MCUB: variants seen among roughly 807,000 people sequenced by gnomAD.
MCUB encodes the protein calcium uniporter regulatory subunit MCUb, mitochondrial.
MCUB carries 46 observed loss-of-function variants against 41.4 expected under a neutral mutation model. That is an observed-to-expected ratio of 1.11 (90% CI 0.88 to 1.42). The LOEUF (loss-of-function observed/expected upper bound fraction) is 1.42, where lower values mean the gene tolerates loss of function less well. Among genes scored for constraint, MCUB ranks in the 40% most tolerant of loss-of-function variants. The pLI, the probability that MCUB is intolerant of heterozygous loss-of-function variation, is 0.00. For missense variants in MCUB, 403 were observed against 404.9 expected (o/e 1.00, Z 0.04); for synonymous variants, 148 against 148.2 (o/e 1.00, Z 0.01).
At position 109,646,130 on chromosome 4, in the gene MCUB, A is replaced by G. The variant is rs139725837; in HGVS notation, c.100-12881A>G. Among the ~76,000 whole-genome samples, 773 of 152,032 alleles carry G rather than the reference A, an allele frequency of 5.1e-3. 3 individuals are homozygous for G. Among genetic ancestry groups the G allele is most frequent in the African/African-American group, 0.018 (732 of 41,462 alleles). ...CTTCCCACTCACTCTTCAGCATACT[A>G]CCATCTGGTTTCTGTCTCCAGCCCC... On this transcript the variant is annotated intron_variant, in intron 1 of 7. Coordinates refer to ENST00000394650, the MANE Select transcript of MCUB (RefSeq NM_017918.5).
intron 4 of MCUB, among the ~76,000 whole-genome samples, chr4:109,674,608 A>G (rs1034454467): frequency 1.3e-5 from 2 of 152,226 alleles, no homozygotes; most frequent in African/African-American, 4.8e-5. Flanking sequence ...GCTTCCCACA[A>G]TTGACAATAT....
At chr4:109,605,825 T>C (rs1727856377) in intron 1 of MCUB, among the ~76,000 whole-genome samples, 1 of 152,224 alleles carries the variant, frequency 6.6e-6, no homozygotes, top group Non-Finnish European at 1.5e-5. Flanking sequence ...AAATCCATTT[T>C]GTCCCATATA....
chr4:109,672,356 G>A (rs577176283), intron 4 of MCUB, among the ~76,000 whole-genome samples: 1 of 152,092 alleles, frequency 6.6e-6, no homozygotes, highest in African/African-American at 2.4e-5. Flanking sequence ...TGAGAACCTG[G>A]TAAGGTTCCA....
intron 1 of MCUB, among the ~76,000 whole-genome samples, chr4:109,613,514 C>G (rs1728063353): frequency 6.6e-6 from 1 of 152,212 alleles, no homozygotes; most frequent in African/African-American, 2.4e-5. Context: ...TGCTTGCCCT[C>G]AATTCACTTC....
intron 4 of MCUB, chr4:109,674,138 G>C (rs1445161497): frequency 1.5e-6 from 2 of 1,319,038 alleles, no homozygotes; most frequent in Admixed American, 3.4e-5. Context: ...AAGAGATGCT[G>C]CCTTGTTGGA....
At chr4:109,647,568 A>G (rs1444934729) in intron 1 of MCUB, among the ~76,000 whole-genome samples, 5 of 152,084 alleles carry the variant, frequency 3.3e-5, no homozygotes, top group Admixed American at 1.3e-4. Flanking sequence ...ACCATTGTTT[A>G]TTTATTCATT....
rs527721542 is a variant in MCUB, at chr4:109,632,185, A to G, written c.100-26826A>G. On this transcript the variant is annotated intron_variant, in intron 1 of 7. Transcript: ENST00000394650. ...CAGTGTACTTTCTCTGTGAAGGGCC[A>G]GATAGTAAATATTTTAGGTTTTCTG... Among the ~76,000 whole-genome samples the G allele has an allele frequency of 1.5e-4, 23 of 152,350 alleles. No individual in the cohort carries two copies. The South Asian group carries it at 4.8e-3, about 32-fold the overall frequency.
intron 1 of MCUB, among the ~76,000 whole-genome samples, chr4:109,569,984 C>T (rs966810868): frequency 6.6e-6 from 1 of 152,146 alleles, no homozygotes; most frequent in African/African-American, 2.4e-5. Context: ...TAGAAGAGGG[C>T]ATGTAATGCA....
chr4:109,653,589 T>G (rs1165568812), intron 1 of MCUB, among the ~76,000 whole-genome samples: 7 of 152,162 alleles, frequency 4.6e-5, no homozygotes, highest in Admixed American at 4.6e-4. Flanking sequence ...AGGTGGGTTT[T>G]TTTTGAGATG....
chr4:109,585,670 C>T (rs1027921343), intron 1 of MCUB, among the ~76,000 whole-genome samples: 1 of 152,140 alleles, frequency 6.6e-6, no homozygotes, highest in Non-Finnish European at 1.5e-5. Flanking sequence ...TCAGCATTTG[C>T]TTGTGTGTAA....
chr4:109,573,170 A>G (rs1561212986), intron 1 of MCUB, among the ~76,000 whole-genome samples: 2 of 152,128 alleles, frequency 1.3e-5, no homozygotes, highest in African/African-American at 4.8e-5. Flanking sequence ...TATTAGGAAC[A>G]GATTGGGCAC....
intron 1 of MCUB, among the ~76,000 whole-genome samples, chr4:109,565,334 A>G (rs1387466703): frequency 6.6e-6 from 1 of 152,254 alleles, no homozygotes; most frequent in African/African-American, 2.4e-5. Flanking sequence ...TGTATAATAT[A>G]CACTGCATCT....
At chr4:109,590,814 AG>A (rs1183388435) in intron 1 of MCUB, among the ~76,000 whole-genome samples, 1 of 152,176 alleles carries the variant, frequency 6.6e-6, no homozygotes, top group Non-Finnish European at 1.5e-5. Context: ...CTTAGTATTC[AG>A]GGTTTATTTT....
At chr4:109,598,177 A>C (rs1727628675) in intron 1 of MCUB, among the ~76,000 whole-genome samples, 1 of 148,324 alleles carries the variant, frequency 6.7e-6, no homozygotes. Context: ...GACGCTCCTC[A>C]CTTCCCAGAC....
At position 109,660,344 on chromosome 4, in the gene MCUB, A is replaced by G. The variant is rs772931200; in HGVS notation, c.325A>G (p.Thr109Ala). ...ACAAAATGAAGATAAGGGTATCAAA[A>G]CTGCAGCCATCTTCACAGCAGGTAT... Reference protein sequence around the residue: ...DLQNEDKGIKTAAIFTADGNM... With the variant: ...DLQNEDKGIKAAAIFTADGNM... Residue 109 changes from threonine to alanine, a missense_variant, in exon 3 of 8, where the codon ACT becomes GCT. By Grantham distance (58) the Thr-to-Ala change is moderately conservative. Transcript: ENST00000394650. The G allele has an allele frequency of 6.2e-7, 1 of 1,605,478 alleles. No homozygotes were observed. Among genetic ancestry groups the G allele is most frequent in the Non-Finnish European group, 8.5e-7 (1 of 1,173,174 alleles).
intron 1 of MCUB, 34 bp downstream of exon 1, chr4:109,560,470 G>A (rs1367904457): frequency 1.8e-5 from 19 of 1,035,562 alleles, no homozygotes; most frequent in South Asian, 7.0e-5. Flanking sequence ...GGGGTTCGGG[G>A]TAGGCTGGTG....
intron 4 of MCUB, among the ~76,000 whole-genome samples, chr4:109,671,181 TTA>T (rs1729449715): frequency 1.3e-5 from 2 of 152,228 alleles, no homozygotes; most frequent in Admixed American, 6.5e-5. Flanking sequence ...TGGAGTTTTT[TTA>T]TGTCAGACAG....
chr4:109,597,715 G>A (rs1300702205), intron 1 of MCUB, among the ~76,000 whole-genome samples: 5 of 142,540 alleles, frequency 3.5e-5, no homozygotes, highest in South Asian at 2.1e-4. Flanking sequence ...TGGACGGGGC[G>A]GCTGGCCGGG....
chr4:109,567,159 G>A (rs1238898175), intron 1 of MCUB, among the ~76,000 whole-genome samples: 1 of 146,934 alleles, frequency 6.8e-6, no homozygotes, highest in East Asian at 2.0e-4. Context: ...AAAAAGTGCT[G>A]TGGACACAGG....
Sources: allele counts gnomAD v4.1 joint callset (sites outside exome capture counted in the v4.1 genomes callset), GRCh38; gene constraint gnomAD v4.1.1; transcripts MANE v1.5; gene names NCBI Gene and HGNC (gene_info 2026-07-23, HGNC 2026-07-21).